SNX8: variants seen among roughly 807,000 people sequenced by gnomAD.
SNX8 encodes the protein sorting nexin 8.
In SNX8, 25 loss-of-function variants were observed where a neutral mutation model predicts 51.6. The ratio of observed to expected loss-of-function variants is 0.48; its 90% CI spans 0.35 to 0.68. The LOEUF is 0.68. Among genes scored for constraint, SNX8 ranks in the 30% least tolerant of loss-of-function variants. SNX8 has a pLI of 0.00. For missense variants in SNX8, 695 were observed against 624.0 expected, an observed-to-expected ratio of 1.11 and a Z score of -1.21; for synonymous variants, 324 against 277.0, an observed-to-expected ratio of 1.17 and a Z score of -1.68.
At chr7:2,282,797 C>T (rs1014733009) in intron 1 of SNX8, among the ~76,000 whole-genome samples, 4 of 151,900 alleles carry the variant, frequency 2.6e-5, no homozygotes, top group Non-Finnish European at 5.9e-5. Flanking sequence ...GCCAACGTGG[C>T]GAAATTCCAT....
chr7:2,287,306 G>A (rs1198464633), intron 1 of SNX8, among the ~76,000 whole-genome samples: 1 of 151,342 alleles, frequency 6.6e-6, no homozygotes, highest in Non-Finnish European at 1.5e-5. Flanking sequence ...TTGTCCAGGC[G>A]GGGTGCCTCA....
chr7:2,323,948 C>T (rs1007960488), intron 1 of SNX8, among the ~76,000 whole-genome samples: 1 of 151,752 alleles, frequency 6.6e-6, no homozygotes, highest in Non-Finnish European at 1.5e-5. Context: ...GGTAAAACCC[C>T]GTCTCTACTA....
intron 1 of SNX8, among the ~76,000 whole-genome samples, chr7:2,289,624 CT>C (rs933392107): frequency 1.3e-5 from 2 of 151,950 alleles, no homozygotes; most frequent in African/African-American, 2.4e-5. Flanking sequence ...CTGTTTTTCT[CT>C]TTTTTTTAAT....
intron 1 of SNX8, among the ~76,000 whole-genome samples, chr7:2,346,737 C>CAAAAAAAAAAAAA (rs143462126): frequency 2.2e-5 from 1 of 45,324 alleles, no homozygotes; most frequent in African/African-American, 8.5e-5. Context: ...GACTCCGTCT[C>CAAAAAAAAAAAAA]AAAAAAAAAA....
At position 2,310,681 on chromosome 7, in the gene SNX8, G is replaced by A. The variant is rs552537011; in HGVS notation, c.94+3647C>T. Among the ~76,000 whole-genome samples, 41 of 152,190 alleles carry A rather than the reference G, an allele frequency of 2.7e-4. 1 individual carries two copies. In the East Asian group the frequency reaches 7.9e-3, roughly 29 times the overall value. On this transcript the variant is annotated intron_variant, in intron 1 of 10. Transcript: ENST00000222990. ...ACTCAGGAGGCTGAGGCAGAAAGAAGAATGGCGTCAACCCAGGAGGTGGAG... is the reference window on the plus strand; with the variant it reads ...ACTCAGGAGGCTGAGGCAGAAAGAAAAATGGCGTCAACCCAGGAGGTGGAG...
At chr7:2,267,333 T>G (rs1200056607) in intron 5 of SNX8, among the ~76,000 whole-genome samples, 4 of 35,048 alleles carry the variant, frequency 1.1e-4, no homozygotes, top group African/African-American at 4.1e-4. Flanking sequence ...CCCCTCCCCC[T>G]CTCCCTCTCC....
intron 1 of SNX8, among the ~76,000 whole-genome samples, chr7:2,301,426 C>A (rs953916783): frequency 6.6e-6 from 1 of 152,182 alleles, no homozygotes; most frequent in Non-Finnish European, 1.5e-5. Context: ...AAGGCTGAGC[C>A]GATGGTGTTA....
intron 1 of SNX8, among the ~76,000 whole-genome samples, chr7:2,293,185 A>T (rs1796192387): frequency 6.8e-6 from 1 of 147,968 alleles, no homozygotes; most frequent in African/African-American, 2.5e-5. Context: ...GGAGGATCAC[A>T]TGAGCGCAGG....
At chr7:2,271,322 G>A (rs1436483601) in intron 4 of SNX8, among the ~76,000 whole-genome samples, 10 of 152,264 alleles carry the variant, frequency 6.6e-5, no homozygotes, top group African/African-American at 1.7e-4. Context: ...GATTAGAGGC[G>A]TGGGCCACTG....
Position 2,258,568 on chromosome 7 carries a change from G to A in SNX8, c.916-765C>T, listed in dbSNP as rs151293714. The stretch of plus-strand genomic sequence containing the variant: ...AAACGGGCACGCCCAGGAGGGGCAC[G>A]GAGGAGAACAAGGGTGTTGTCTCCG... On this transcript the variant is annotated intron_variant, in intron 7 of 10. Coordinates refer to ENST00000222990, the MANE Select transcript of SNX8 (RefSeq NM_013321.4). 9.2e-5 allele frequency among the ~76,000 whole-genome samples: 14 copies of A among 152,282 alleles called. No homozygotes were observed. In the East Asian group the frequency reaches 2.7e-3, roughly 29 times the overall value.
intron 10 of SNX8, 121 bp downstream of exon 10, chr7:2,256,753 C>T: frequency 1.0e-6 from 1 of 957,010 alleles, no homozygotes. Flanking sequence ...CCATGCGGAG[C>T]CCAACTCCAC....
intron 5 of SNX8, among the ~76,000 whole-genome samples, chr7:2,268,109 G>GT (rs1795526043): frequency 6.8e-6 from 1 of 147,482 alleles, no homozygotes. Context: ...CGTCCGGGAG[G>GT]GAGGTGGGGG....
At chr7:2,318,796 G>A (rs1796792646), upstream of SNX8, among the ~76,000 whole-genome samples, 1 of 150,788 alleles carries the variant, frequency 6.6e-6, no homozygotes, top group Non-Finnish European at 1.5e-5. Flanking sequence ...AGGATCACTT[G>A]AGCCCAGGAA....
chr7:2,290,937 A>C (rs1230473278), intron 1 of SNX8, among the ~76,000 whole-genome samples: 1 of 152,202 alleles, frequency 6.6e-6, no homozygotes, highest in African/African-American at 2.4e-5. Context: ...ACCAACCTAC[A>C]GTCAGAGAAG....
At chr7:2,286,324 T>G (rs1796027582) in intron 1 of SNX8, among the ~76,000 whole-genome samples, 1 of 152,052 alleles carries the variant, frequency 6.6e-6, no homozygotes, top group Non-Finnish European at 1.5e-5. Context: ...GGTCGTATAC[T>G]TTAAACAGAA....
chr7:2,268,742 C>A (rs1584680202), intron 5 of SNX8, among the ~76,000 whole-genome samples: 1 of 18,466 alleles, frequency 5.4e-5, no homozygotes, highest in Non-Finnish European at 2.3e-4. Flanking sequence ...GTCAGCCCCC[C>A]AGCCCGGCCA....
At chr7:2,339,025 C>T (rs1453391371) in intron 1 of SNX8, among the ~76,000 whole-genome samples, 1 of 152,072 alleles carries the variant, frequency 6.6e-6, no homozygotes, top group Non-Finnish European at 1.5e-5. Context: ...GATCCTCCAA[C>T]CTCAGCCTCC....
At chr7:2,345,301 G>C (rs945344628) in intron 1 of SNX8, among the ~76,000 whole-genome samples, 10 of 152,148 alleles carry the variant, frequency 6.6e-5, no homozygotes, top group African/African-American at 2.4e-4. Flanking sequence ...CATCATTGTG[G>C]GTGAAGAAAA....
intron 1 of SNX8, among the ~76,000 whole-genome samples, chr7:2,295,776 G>A (rs1178588889): frequency 2.0e-5 from 3 of 152,054 alleles, no homozygotes; most frequent in Admixed American, 6.6e-5. Context: ...GAGAGCGAGC[G>A]ACCCAGTTTC....
Sources: allele counts gnomAD v4.1 joint callset (sites outside exome capture counted in the v4.1 genomes callset), GRCh38; gene constraint gnomAD v4.1.1; transcripts MANE v1.5; gene names NCBI Gene and HGNC (gene_info 2026-07-23, HGNC 2026-07-21).